The following PTBP2 variants were observed in gnomAD, a reference collection of about 807,000 sequenced individuals.
PTBP2 encodes polypyrimidine tract-binding protein 2.
Under a neutral mutation model 61.4 loss-of-function variants are expected in PTBP2, and 13 were observed. That is an observed-to-expected ratio of 0.21 (90% confidence interval 0.14 to 0.34). The LOEUF (loss-of-function observed/expected upper bound fraction) is 0.34. Ranked by LOEUF, PTBP2 falls within the 10% of genes least tolerant of loss-of-function variation. The pLI is 1.00. For missense variants in PTBP2, 405 were observed against 642.6 expected (o/e 0.63, Z 4.00); for synonymous variants, 215 against 218.5 (o/e 0.98, Z 0.14).
downstream of PTBP2, chr1:96,815,608 T>C (rs999692049): frequency 1.6e-4 from 24 of 152,156 alleles, no homozygotes; most frequent in African/African-American, 5.5e-4. Context: ...TGTTCTGTTA[T>C]AAAATATCCC....
exon 14 of PTBP2, chr1:96,820,070 CAT>C (rs1204506128): frequency 6.6e-6 from 1 of 151,840 alleles, no homozygotes; most frequent in African/African-American, 2.4e-5. Flanking sequence ...AAAGCATAGA[CAT>C]TGACATAAGA....
chr1:96,787,720 A>G (rs2101084309), intron 8 of PTBP2, among the ~76,000 whole-genome samples: 1 of 152,286 alleles, frequency 6.6e-6, no homozygotes, highest in East Asian at 1.9e-4. Flanking sequence ...ATTGCTCTGT[A>G]TTTGCAGATT....
At chr1:96,797,862 G>T (rs556596518) in intron 8 of PTBP2, among the ~76,000 whole-genome samples, 23 of 152,168 alleles carry the variant, frequency 1.5e-4, no homozygotes, top group Non-Finnish European at 2.5e-4. Flanking sequence ...AAATATTTTT[G>T]ATCCAAGGTT....
At chr1:96,751,642 A>T (rs557422171) in intron 3 of PTBP2, 142 bp downstream of exon 3, 1 of 540,178 alleles carries the variant, frequency 1.9e-6, no homozygotes, top group East Asian at 3.1e-5. Flanking sequence ...TTACTAAAGT[A>T]TATATGAGCC....
chr1:96,724,013 C>T (rs1650020403), intron 2 of PTBP2, among the ~76,000 whole-genome samples: 1 of 152,132 alleles, frequency 6.6e-6, no homozygotes, highest in East Asian at 1.9e-4. Context: ...AATAATAAAG[C>T]ACATTAGAAA....
At chr1:96,786,886 A>T (rs1659267335) in intron 8 of PTBP2, among the ~76,000 whole-genome samples, 1 of 152,186 alleles carries the variant, frequency 6.6e-6, no homozygotes, top group Non-Finnish European at 1.5e-5. Context: ...GTATTTGCCC[A>T]TCTGGATATA....
chr1:96,815,442 A>G (rs1370114825), downstream of PTBP2: 1 of 152,212 alleles, frequency 6.6e-6, no homozygotes, highest in African/African-American at 2.4e-5. Context: ...TTAAAAACTT[A>G]GAGTAATTTG....
Position 96,721,839 on chromosome 1 carries a change from T to G in PTBP2, c.-26T>G, listed in dbSNP as rs199656587. ...CGCTGGCTGCGTGGCTCGGTTCTTGTGAGCGAAGCTTTGTCCGGTTCGGCA... is the reference window on the plus strand; with the variant it reads ...CGCTGGCTGCGTGGCTCGGTTCTTGGGAGCGAAGCTTTGTCCGGTTCGGCA... On this transcript the variant is annotated 5_prime_UTR_variant, in exon 1 of 14. Transcript: ENST00000674951. 230 of 1,561,872 alleles carry G rather than the reference T, an allele frequency of 1.5e-4. No individual in the cohort carries two copies. In the African/African-American group the frequency reaches 2.5e-3, roughly 17 times the overall value.
chr1:96,768,936 A>G (rs1657061787), intron 3 of PTBP2, among the ~76,000 whole-genome samples: 1 of 151,986 alleles, frequency 6.6e-6, no homozygotes, highest in Admixed American at 6.6e-5. Flanking sequence ...TTTCAAATCA[A>G]ACAATTTATA....
At chr1:96,760,365 T>C (rs2066112) in intron 3 of PTBP2, among the ~76,000 whole-genome samples, 87,879 of 151,148 alleles carry the variant, frequency 0.58, 26,150 homozygotes, top group African/African-American at 0.71. Flanking sequence ...AGATTGGCAA[T>C]ACCGAATGTT....
chr1:96,819,321 T>G (rs1662597162), downstream of PTBP2: 1 of 152,044 alleles, frequency 6.6e-6, no homozygotes, highest in Non-Finnish European at 1.5e-5. Context: ...ACATTACCTG[T>G]GCAAAGTATG....
At chr1:96,761,725 T>G (rs1032189141) in intron 3 of PTBP2, among the ~76,000 whole-genome samples, 3 of 138,280 alleles carry the variant, frequency 2.2e-5, no homozygotes, top group African/African-American at 5.9e-5. Context: ...TACTGTTCTG[T>G]TTTTTTTTGT....
At chr1:96,802,216 A>AG (rs1306026024) in intron 8 of PTBP2, among the ~76,000 whole-genome samples, 4 of 149,144 alleles carry the variant, frequency 2.7e-5, no homozygotes, top group Non-Finnish European at 4.5e-5. Flanking sequence ...GTCTCGAAAA[A>AG]AAAAAAAAAA....
At chr1:96,790,201 T>C (rs765939764) in intron 8 of PTBP2, among the ~76,000 whole-genome samples, 9 of 152,144 alleles carry the variant, frequency 5.9e-5, no homozygotes, top group Non-Finnish European at 1.2e-4. Flanking sequence ...TGTTAACTTG[T>C]TCCTCTATCT....
intron 5 of PTBP2, among the ~76,000 whole-genome samples, chr1:96,777,176 T>C (rs1208888650): frequency 6.6e-6 from 1 of 152,172 alleles, no homozygotes; most frequent in Non-Finnish European, 1.5e-5. Flanking sequence ...TTCTTTTGGA[T>C]AATTCAGTAA....
chr1:96,754,508 A>G (rs1243041947), intron 3 of PTBP2, among the ~76,000 whole-genome samples: 3 of 152,216 alleles, frequency 2.0e-5, no homozygotes, highest in African/African-American at 4.8e-5. Context: ...AAGGTTGCAT[A>G]TCAAAATTCT....
At chr1:96,818,706 G>T (rs943919000), downstream of PTBP2, 1 of 152,000 alleles carries the variant, frequency 6.6e-6, no homozygotes, top group African/African-American at 2.4e-5. Context: ...CAGCTTCAAA[G>T]TTTTTTCCTG....
intron 3 of PTBP2, among the ~76,000 whole-genome samples, chr1:96,761,724 GT>G (rs551456617): frequency 4.0e-5 from 6 of 149,018 alleles, no homozygotes; most frequent in South Asian, 4.2e-4. Context: ...CTACTGTTCT[GT>G]TTTTTTTTGT....
At chr1:96,734,127 T>TA (rs1343195739) in intron 2 of PTBP2, among the ~76,000 whole-genome samples, 2 of 152,200 alleles carry the variant, frequency 1.3e-5, no homozygotes, top group African/African-American at 4.8e-5. Context: ...ACTTCTTTTT[T>TA]AAAACTATTA....
Sources: gnomAD v4.1 joint callset for allele counts (sites outside exome capture counted in the v4.1 genomes callset) on GRCh38, gnomAD v4.1.1 for gene constraint, MANE v1.5 for transcripts, NCBI Gene and HGNC (gene_info 2026-07-23, HGNC 2026-07-21) for gene names.